Variants in DPP10 observed in about 807,000 individuals in gnomAD.
DPP10 encodes dipeptidyl peptidase like 10.
A neutral mutation model predicts 120.9 loss-of-function variants in DPP10; 33 were observed. That is an observed-to-expected ratio of 0.27 (90% confidence interval 0.21 to 0.37). DPP10 has a LOEUF of 0.37. Among genes scored for constraint, DPP10 ranks in the 10% least tolerant of loss-of-function variants. The probability of loss-of-function intolerance (pLI) is 1.00; values close to 1 mark genes in which losing one functional copy is unlikely to be tolerated. For synonymous variants in DPP10, 337 were observed against 326.1 expected, an observed-to-expected ratio of 1.03 and a Z score of -0.36; for missense variants, 816 against 942.8, an observed-to-expected ratio of 0.87 and a Z score of 1.76.
At chr2:115,095,937 T>A (rs1709706952) in intron 1 of DPP10, among the ~76,000 whole-genome samples, 1 of 152,160 alleles carries the variant, frequency 6.6e-6, no homozygotes, top group Non-Finnish European at 1.5e-5. Flanking sequence ...AGCCTCTTGA[T>A]CTTTCTGAAT....
At chr2:115,841,835 T>G (rs186973334) in intron 25 of DPP10, among the ~76,000 whole-genome samples, 57 of 152,250 alleles carry the variant, frequency 3.7e-4, no homozygotes, top group African/African-American at 1.2e-3. Flanking sequence ...AACTCAATGC[T>G]CTTTAAATAA....
At chr2:114,655,435 G>A (rs928320803) in intron 1 of DPP10, among the ~76,000 whole-genome samples, 7 of 152,128 alleles carry the variant, frequency 4.6e-5, no homozygotes, top group South Asian at 2.1e-4. Context: ...AGGCAGTTAA[G>A]GCAAGAAAAG....
chr2:115,021,408 A>C (rs1031040340), intron 1 of DPP10, among the ~76,000 whole-genome samples: 2 of 152,184 alleles, frequency 1.3e-5, no homozygotes, highest in East Asian at 3.8e-4. Flanking sequence ...CATAAACTGG[A>C]AAACCTAGAG....
intron 1 of DPP10, among the ~76,000 whole-genome samples, chr2:115,122,961 G>C (rs1393648366): frequency 6.6e-6 from 1 of 152,174 alleles, no homozygotes; most frequent in Non-Finnish European, 1.5e-5. Flanking sequence ...TTAGTAAGCA[G>C]GAGAGTGAAA....
At chr2:114,898,754 A>G (rs2106634353) in intron 1 of DPP10, among the ~76,000 whole-genome samples, 1 of 152,286 alleles carries the variant, frequency 6.6e-6, no homozygotes, top group African/African-American at 2.4e-5. Flanking sequence ...GCAGCTCTCA[A>G]AGATATCGTG....
intron 1 of DPP10, among the ~76,000 whole-genome samples, chr2:114,505,051 C>CAAAAAAA (rs3061538): frequency 8.9e-5 from 4 of 44,884 alleles, no homozygotes; most frequent in Admixed American, 3.5e-4. Context: ...GACTCTGTCT[C>CAAAAAAA]AAAAAAAAAA....
At chr2:114,606,081 A>G (rs1692769132) in intron 1 of DPP10, among the ~76,000 whole-genome samples, 1 of 152,156 alleles carries the variant, frequency 6.6e-6, no homozygotes, top group East Asian at 1.9e-4. Flanking sequence ...ACATCCCACC[A>G]TAAAAGATAT....
Position 115,330,308 on chromosome 2 carries a change from G to A in DPP10, c.176-13509G>A, listed in dbSNP as rs1488984610. Among the ~76,000 whole-genome samples, 4 of 152,030 alleles carry A rather than the reference G, an allele frequency of 2.6e-5. No homozygotes were observed. In the South Asian group the frequency reaches 8.3e-4, roughly 32 times the overall value. Reference sequence around the variant, plus strand: ...TTGTTTTTTTCTTGTAAATTTGTTTGAGTTCATTGTAGATTCTGGATATTA... The same window carrying A: ...TTGTTTTTTTCTTGTAAATTTGTTTAAGTTCATTGTAGATTCTGGATATTA... On this transcript the variant is annotated intron_variant, in intron 2 of 25. Coordinates refer to ENST00000410059, the MANE Select transcript of DPP10 (RefSeq NM_020868.6).
intron 1 of DPP10, among the ~76,000 whole-genome samples, chr2:114,622,741 T>C (rs1463878085): frequency 2.6e-5 from 4 of 152,132 alleles, no homozygotes; most frequent in Non-Finnish European, 5.9e-5. Context: ...TAGGAGTCCA[T>C]GGTTTTTAGT....
At chr2:115,413,913 AT>A (rs35546360) in intron 3 of DPP10, among the ~76,000 whole-genome samples, 95,252 of 151,390 alleles carry the variant, frequency 0.63, 30,653 homozygotes, top group Middle Eastern at 0.75. Context: ...TCTCTCAATA[AT>A]TTTTTTTTTC....
At chr2:115,764,113 A>G (rs1287762960) in intron 12 of DPP10, among the ~76,000 whole-genome samples, 1 of 151,536 alleles carries the variant, frequency 6.6e-6, no homozygotes, top group Admixed American at 6.6e-5. Context: ...TGTAACACAC[A>G]ATTATTGCTA....
intron 1 of DPP10, among the ~76,000 whole-genome samples, chr2:115,182,612 A>G (rs940632908): frequency 6.6e-6 from 1 of 152,164 alleles, no homozygotes; most frequent in Non-Finnish European, 1.5e-5. Flanking sequence ...AGGTACTCCA[A>G]TGCAAAGGAC....
chr2:114,799,246 G>A (rs773670465), intron 1 of DPP10, among the ~76,000 whole-genome samples: 4 of 152,188 alleles, frequency 2.6e-5, no homozygotes, highest in Non-Finnish European at 4.4e-5. Context: ...AGTTCAATTT[G>A]TGTCTCAACT....
chr2:115,019,102 C>T (rs1702884066), intron 1 of DPP10, among the ~76,000 whole-genome samples: 1 of 151,584 alleles, frequency 6.6e-6, no homozygotes, highest in Non-Finnish European at 1.5e-5. Flanking sequence ...CTCAGCTTCA[C>T]CGACACCAAG....
Position 115,697,675 on chromosome 2 carries a change from G to A in DPP10, c.576+7754G>A, listed in dbSNP as rs1249815437. Among the ~76,000 whole-genome samples, 6 of 152,014 alleles carry A rather than the reference G, an allele frequency of 3.9e-5. No individual in the cohort carries two copies. In the East Asian group the frequency reaches 1.2e-3, roughly 29 times the overall value. On this transcript the variant is annotated intron_variant, in intron 7 of 25. Coordinates refer to ENST00000410059, the MANE Select transcript of DPP10 (RefSeq NM_020868.6). Reference sequence around the variant, plus strand: ...GAAAAACCAGAGAGAAGATAATTAAGAAAATAGAGGATTTAAAAAACACAG... The same window carrying A: ...GAAAAACCAGAGAGAAGATAATTAAAAAAATAGAGGATTTAAAAAACACAG...
intron 1 of DPP10, among the ~76,000 whole-genome samples, chr2:114,497,730 T>C (rs1435399834): frequency 6.6e-6 from 1 of 152,166 alleles, no homozygotes; most frequent in African/African-American, 2.4e-5. Flanking sequence ...AAGTAGCGGA[T>C]AGGATTCTGG....
chr2:115,601,698 CG>C (rs1558909160), intron 5 of DPP10, among the ~76,000 whole-genome samples: 1 of 152,072 alleles, frequency 6.6e-6, no homozygotes, highest in Non-Finnish European at 1.5e-5. Context: ...TAAATGGAGA[CG>C]GAGTCTTTCT....
At chr2:114,793,941 T>C (rs1350350454) in intron 1 of DPP10, among the ~76,000 whole-genome samples, 1 of 152,208 alleles carries the variant, frequency 6.6e-6, no homozygotes, top group Non-Finnish European at 1.5e-5. Flanking sequence ...ACCTCTTTTA[T>C]GGGTTATTTT....
intron 1 of DPP10, among the ~76,000 whole-genome samples, chr2:115,275,400 GC>G: frequency 6.6e-6 from 1 of 152,210 alleles, no homozygotes; most frequent in East Asian, 1.9e-4. Flanking sequence ...TAAGTACTAT[GC>G]ATTCAGCACA....
Sources: gnomAD v4.1 joint callset for allele counts (sites outside exome capture counted in the v4.1 genomes callset) on GRCh38, gnomAD v4.1.1 for gene constraint, MANE v1.5 for transcripts, NCBI Gene and HGNC (gene_info 2026-07-23, HGNC 2026-07-21) for gene names.